Variants in GRB14 observed in about 807,000 individuals in gnomAD.
GRB14 encodes the protein growth factor receptor-bound protein 14.
In GRB14, 38 loss-of-function variants were observed where a neutral mutation model predicts 69.1. That is an observed-to-expected ratio of 0.55 (90% confidence interval 0.42 to 0.72). The LOEUF is 0.72. Ranked by LOEUF, GRB14 falls within the 30% of genes least tolerant of loss-of-function variation. The pLI is 0.00. For synonymous variants in GRB14, 247 were observed against 241.3 expected (o/e 1.02, Z -0.22); for missense variants, 666 against 666.1 (o/e 1.00, Z 0.00).
intron 5 of GRB14, among the ~76,000 whole-genome samples, chr2:164,523,158 C>T (rs1242319437): frequency 6.6e-6 from 1 of 152,026 alleles, no homozygotes; most frequent in African/African-American, 2.4e-5. Flanking sequence ...ACCTTCAATC[C>T]CCAGCACTGA....
At chr2:164,527,573 G>T (rs535713532) in intron 3 of GRB14, among the ~76,000 whole-genome samples, 5 of 151,846 alleles carry the variant, frequency 3.3e-5, no homozygotes, top group Non-Finnish European at 5.9e-5. Context: ...AAGAGATGAA[G>T]AATTTTGACA....
At chr2:164,589,455 C>T (rs573030853) in intron 2 of GRB14, among the ~76,000 whole-genome samples, 3 of 152,196 alleles carry the variant, frequency 2.0e-5, no homozygotes, top group African/African-American at 7.2e-5. Context: ...GAAGATTAGG[C>T]ATCTGGTGAA....
At chr2:164,606,033 T>C (rs62173875) in intron 2 of GRB14, among the ~76,000 whole-genome samples, 68,794 of 152,108 alleles carry the variant, frequency 0.45, 18,394 homozygotes, top group Admixed American at 0.58. Flanking sequence ...TTCTTAAAAA[T>C]TCATGCACAT....
chr2:164,498,606 C>CCCAAAAA (rs1233607156), intron 9 of GRB14, among the ~76,000 whole-genome samples: 2 of 152,096 alleles, frequency 1.3e-5, no homozygotes, highest in African/African-American at 4.8e-5. Flanking sequence ...AAGAGCAAAA[C>CCCAAAAA]CCAAAGTGGT....
intron 3 of GRB14, among the ~76,000 whole-genome samples, chr2:164,531,724 G>C (rs1687943699): frequency 6.6e-6 from 1 of 152,126 alleles, no homozygotes; most frequent in African/African-American, 2.4e-5. Context: ...GATGGTAACT[G>C]GATGGTGTAG....
intron 2 of GRB14, among the ~76,000 whole-genome samples, chr2:164,577,792 T>A (rs980432676): frequency 9.2e-5 from 14 of 152,164 alleles, no homozygotes; most frequent in African/African-American, 3.4e-4. Flanking sequence ...AGAATAAGAC[T>A]TTCTAAAAAG....
intron 2 of GRB14, among the ~76,000 whole-genome samples, chr2:164,574,437 C>T (rs1047054009): frequency 3.3e-5 from 5 of 151,836 alleles, no homozygotes; most frequent in African/African-American, 1.2e-4. Flanking sequence ...AGACGGGGTT[C>T]ACCACGTTGG....
intron 3 of GRB14, among the ~76,000 whole-genome samples, chr2:164,543,944 C>T (rs1015493539): frequency 4.6e-5 from 7 of 152,140 alleles, no homozygotes; most frequent in African/African-American, 1.7e-4. Flanking sequence ...GAACTGGAAG[C>T]TATTAAATCT....
At chr2:164,591,893 T>G (rs1689673198) in intron 2 of GRB14, among the ~76,000 whole-genome samples, 1 of 152,106 alleles carries the variant, frequency 6.6e-6, no homozygotes, top group Non-Finnish European at 1.5e-5. Flanking sequence ...GGGAGATAAT[T>G]GAATCATGGG....
intron 3 of GRB14, among the ~76,000 whole-genome samples, chr2:164,546,619 A>G (rs1688383368): frequency 6.6e-6 from 1 of 152,180 alleles, no homozygotes; most frequent in African/African-American, 2.4e-5. Flanking sequence ...ACTTTCCCCC[A>G]ACTCACTGTG....
intron 2 of GRB14, among the ~76,000 whole-genome samples, chr2:164,603,740 C>G (rs1313236418): frequency 1.3e-5 from 2 of 150,722 alleles, no homozygotes; most frequent in East Asian, 3.9e-4. Flanking sequence ...ATAAGACACA[C>G]AAAAGTACAA....
intron 3 of GRB14, among the ~76,000 whole-genome samples, chr2:164,536,074 T>C (rs1464146843): frequency 6.6e-6 from 1 of 152,252 alleles, no homozygotes; most frequent in Non-Finnish European, 1.5e-5. Flanking sequence ...AAATTCTATC[T>C]GAGCACAGCA....
chr2:164,550,983 A>G (rs1688523196), intron 2 of GRB14, among the ~76,000 whole-genome samples: 1 of 152,176 alleles, frequency 6.6e-6, no homozygotes, highest in Non-Finnish European at 1.5e-5. Context: ...AGTTTGCTGG[A>G]GCTGCTGGAA....
intron 2 of GRB14, among the ~76,000 whole-genome samples, chr2:164,587,202 A>T (rs758578035): frequency 7.2e-5 from 11 of 152,214 alleles, no homozygotes; most frequent in Non-Finnish European, 1.5e-4. Context: ...TGGCAAAAAA[A>T]CTTTCATTTG....
At chr2:164,518,421 A>G (rs1687550105) in intron 6 of GRB14, among the ~76,000 whole-genome samples, 1 of 152,204 alleles carries the variant, frequency 6.6e-6, no homozygotes, top group South Asian at 2.1e-4. Context: ...AAAGTCTAAA[A>G]GAGCACAAAT....
chr2:164,599,761 C>G (rs905875244), intron 2 of GRB14, among the ~76,000 whole-genome samples: 1 of 152,142 alleles, frequency 6.6e-6, no homozygotes, highest in Non-Finnish European at 1.5e-5. Flanking sequence ...TCAGGCAAAA[C>G]ACTATAAAAT....
At chr2:164,576,270 C>A (rs1005580606) in intron 2 of GRB14, among the ~76,000 whole-genome samples, 11 of 147,018 alleles carry the variant, frequency 7.5e-5, no homozygotes, top group African/African-American at 2.8e-4. Flanking sequence ...CTTCTCAAAG[C>A]CTGAATAACA....
chr2:164,589,064 A>AT (rs1206913458), intron 2 of GRB14, among the ~76,000 whole-genome samples: 1 of 152,224 alleles, frequency 6.6e-6, no homozygotes, highest in Non-Finnish European at 1.5e-5. Context: ...GTAGGATTGT[A>AT]TTTTTTGTAG....
At chr2:164,496,481 A>G (rs1686897792) in intron 12 of GRB14, among the ~76,000 whole-genome samples, 1 of 152,182 alleles carries the variant, frequency 6.6e-6, no homozygotes, top group Admixed American at 6.5e-5. Context: ...CTTTTCACGG[A>G]TCTATATTAC....
Sources: allele counts gnomAD v4.1 joint callset (sites outside exome capture counted in the v4.1 genomes callset), GRCh38; gene constraint gnomAD v4.1.1; transcripts MANE v1.5; gene names NCBI Gene and HGNC (gene_info 2026-07-23, HGNC 2026-07-21).